Variants in ARB2A observed in about 807,000 individuals in gnomAD.
The protein encoded by ARB2A is ARB2 cotranscriptional regulator A, also known as cotranscriptional regulator ARB2A.
the ARB2A span, chr5:94,053,089 A>ATAGT: frequency 8.8e-7 from 1 of 1,131,154 alleles, no homozygotes; most frequent in Non-Finnish European, 1.3e-6. Context: ...AGATAGATAG[A>ATAGT]TAGATAGATA....
chr5:93,751,312 C>T, the ARB2A span, among the ~76,000 whole-genome samples: 4 of 151,962 alleles, frequency 2.6e-5, no homozygotes, highest in Non-Finnish European at 5.9e-5. Flanking sequence ...TTTATTGGTA[C>T]AATATATTGA....
chr5:93,842,339 G>A, the ARB2A span, among the ~76,000 whole-genome samples: 1 of 152,142 alleles, frequency 6.6e-6, no homozygotes, highest in African/African-American at 2.4e-5. Context: ...CAACAGTAGA[G>A]CTGAGCAATT....
chr5:93,979,369 C>CACTAAT, the ARB2A span, among the ~76,000 whole-genome samples: 1 of 151,934 alleles, frequency 6.6e-6, no homozygotes, highest in East Asian at 1.9e-4. Context: ...AGTATTACAC[C>CACTAAT]AGCACCATAA....
the ARB2A span, among the ~76,000 whole-genome samples, chr5:93,679,604 G>A: frequency 6.6e-6 from 1 of 152,012 alleles, no homozygotes; most frequent in Non-Finnish European, 1.5e-5. Context: ...AATAGCTTAA[G>A]TTTAAAATAG....
chr5:93,657,151 C>T, the ARB2A span, among the ~76,000 whole-genome samples: 2 of 152,162 alleles, frequency 1.3e-5, no homozygotes. Flanking sequence ...AGACGATGGC[C>T]TCTCTCAGGC....
chr5:93,650,162 A>G, the ARB2A span, among the ~76,000 whole-genome samples: 31,064 of 151,480 alleles, frequency 0.21, 4,730 homozygotes, highest in African/African-American at 0.43. Flanking sequence ...AAGAAGGAAA[A>G]AAAAAAAAAG....
chr5:93,858,478 CTTAA>C, the ARB2A span, among the ~76,000 whole-genome samples: 15 of 152,340 alleles, frequency 9.8e-5, no homozygotes, highest in African/African-American at 3.6e-4. Context: ...CACCTCACTT[CTTAA>C]TTGTCATTAC....
the ARB2A span, among the ~76,000 whole-genome samples, chr5:93,946,094 G>C: frequency 6.6e-6 from 1 of 152,084 alleles, no homozygotes; most frequent in Non-Finnish European, 1.5e-5. Flanking sequence ...AGAAATGCAA[G>C]GGTTCAAAAA....
chr5:94,004,998 C>CAAAAAAAAAA, the ARB2A span, among the ~76,000 whole-genome samples: 131 of 12,522 alleles, frequency 0.01, 20 homozygotes, highest in South Asian at 0.036. Context: ...ATTTTATCAG[C>CAAAAAAAAAA]AAAAAAAAAA....
chr5:93,775,619 C>T, the ARB2A span, among the ~76,000 whole-genome samples: 1 of 152,228 alleles, frequency 6.6e-6, no homozygotes, highest in Non-Finnish European at 1.5e-5. Flanking sequence ...TCCCTGTGAA[C>T]ATCTTCAGAT....
the ARB2A span, among the ~76,000 whole-genome samples, chr5:93,788,350 C>A: frequency 6.6e-6 from 1 of 152,006 alleles, no homozygotes; most frequent in Non-Finnish European, 1.5e-5. Context: ...AAGGGAGGTG[C>A]GGGAGGGCCG....
the ARB2A span, among the ~76,000 whole-genome samples, chr5:93,671,901 C>T: frequency 4.6e-3 from 700 of 152,156 alleles, 7 homozygotes; most frequent in African/African-American, 0.016. Flanking sequence ...TACAGACATA[C>T]TAAAACTCAT....
chr5:93,721,548 G>A, the ARB2A span, among the ~76,000 whole-genome samples: 2 of 152,132 alleles, frequency 1.3e-5, no homozygotes, highest in African/African-American at 2.4e-5. Context: ...TAGAACATGT[G>A]AATCAATCAA....
chr5:93,624,727 T>C, the ARB2A span, among the ~76,000 whole-genome samples: 1 of 152,146 alleles, frequency 6.6e-6, no homozygotes, highest in Admixed American at 6.5e-5. Flanking sequence ...TTGGTATTTA[T>C]TGGGAGAAGG....
the ARB2A span, chr5:93,741,332 G>T: frequency 3.1e-6 from 5 of 1,612,588 alleles, no homozygotes; most frequent in South Asian, 5.5e-5. Context: ...GGCCTGCAGG[G>T]TGCTATCCAG....
the ARB2A span, among the ~76,000 whole-genome samples, chr5:94,058,536 T>C: frequency 1.3e-5 from 2 of 152,118 alleles, no homozygotes; most frequent in Non-Finnish European, 1.5e-5. Flanking sequence ...AATTTAAGCT[T>C]CTATACATAA....
At chr5:94,028,275 A>G in the ARB2A span, among the ~76,000 whole-genome samples, 1 of 152,228 alleles carries the variant, frequency 6.6e-6, no homozygotes, top group Non-Finnish European at 1.5e-5. Flanking sequence ...ATGTGGGAGC[A>G]TGAGAAAATC....
the ARB2A span, among the ~76,000 whole-genome samples, chr5:93,985,672 G>A: frequency 4.6e-5 from 7 of 152,326 alleles, no homozygotes; most frequent in East Asian, 3.9e-4. Context: ...TGATCTGCCC[G>A]CCTCGGCCTC....
chr5:93,750,784 C>T, the ARB2A span, among the ~76,000 whole-genome samples: 1 of 151,982 alleles, frequency 6.6e-6, no homozygotes, highest in Non-Finnish European at 1.5e-5. Context: ...CTTTGCCTCC[C>T]GAAGTGCTAT....
Sources: allele counts gnomAD v4.1 joint callset (sites outside exome capture counted in the v4.1 genomes callset), GRCh38; gene constraint gnomAD v4.1.1; transcripts MANE v1.5; gene names NCBI Gene and HGNC (gene_info 2026-07-23, HGNC 2026-07-21).